The following GRM7 variants were observed in gnomAD, a reference collection of about 807,000 sequenced individuals.
GRM7 encodes the protein glutamate metabotropic receptor 7, also known as metabotropic glutamate receptor 7.
GRM7 carries 35 observed loss-of-function variants against 84.5 expected under a neutral mutation model. The ratio of observed to expected loss-of-function variants is 0.41; its 90% CI spans 0.32 to 0.55. The LOEUF (loss-of-function observed/expected upper bound fraction) is 0.55. Among genes scored for constraint, GRM7 ranks in the 20% least tolerant of loss-of-function variants. The probability of loss-of-function intolerance (pLI) is 0.19; values close to 1 mark genes in which losing one functional copy is unlikely to be tolerated. For synonymous variants in GRM7, 487 were observed against 455.1 expected, an observed-to-expected ratio of 1.07 and a Z score of -0.89; for missense variants, 1,003 against 1,194.6, an observed-to-expected ratio of 0.84 and a Z score of 2.36.
intron 5 of GRM7, among the ~76,000 whole-genome samples, chr3:7,423,523 G>A (rs1478209443): frequency 6.6e-6 from 1 of 152,138 alleles, no homozygotes. Context: ...CGGATGCTTA[G>A]AGTCATTTTA....
intron 8 of GRM7, among the ~76,000 whole-genome samples, chr3:7,630,630 A>T (rs1697823454): frequency 6.6e-6 from 1 of 152,198 alleles, no homozygotes; most frequent in Non-Finnish European, 1.5e-5. Context: ...AGGTGACATC[A>T]TACTGCCTCT....
intron 1 of GRM7, among the ~76,000 whole-genome samples, chr3:7,054,608 A>C (rs1044351331): frequency 2.0e-5 from 3 of 151,878 alleles, no homozygotes; most frequent in Non-Finnish European, 4.4e-5. Context: ...AGGTTGAAGA[A>C]AGTCACTTCT....
At chr3:7,679,953 T>G in intron 8 of GRM7, 96 bp from the exon 9 acceptor site, 2 of 1,144,616 alleles carry the variant, frequency 1.7e-6, no homozygotes, top group South Asian at 2.9e-5. Flanking sequence ...TTGCTTTATC[T>G]CCTAGCCATA....
At chr3:7,617,519 G>GT (rs1364198074) in intron 8 of GRM7, among the ~76,000 whole-genome samples, 4 of 151,976 alleles carry the variant, frequency 2.6e-5, no homozygotes, top group African/African-American at 9.7e-5. Flanking sequence ...AACTTTCTAA[G>GT]TAAAACAATA....
At chr3:7,111,351 T>C (rs1384182241) in intron 1 of GRM7, among the ~76,000 whole-genome samples, 1 of 152,144 alleles carries the variant, frequency 6.6e-6, no homozygotes, top group African/African-American at 2.4e-5. Flanking sequence ...TTCTTAATGG[T>C]ATATTGCAGA....
intron 8 of GRM7, among the ~76,000 whole-genome samples, chr3:7,673,436 A>C (rs1379355656): frequency 6.6e-6 from 1 of 152,074 alleles, no homozygotes; most frequent in Non-Finnish European, 1.5e-5. Flanking sequence ...CTTGCCATTC[A>C]AAAGTTTCCC....
intron 2 of GRM7, among the ~76,000 whole-genome samples, chr3:7,244,568 T>C (rs929126772): frequency 1.3e-5 from 2 of 152,102 alleles, no homozygotes; most frequent in Non-Finnish European, 2.9e-5. Context: ...AAGCACCTTA[T>C]TTTAAACTCC....
chr3:6,979,538 A>G (rs936584814), intron 1 of GRM7, among the ~76,000 whole-genome samples: 1 of 138,676 alleles, frequency 7.2e-6, no homozygotes, highest in African/African-American at 3.5e-5. Flanking sequence ...TTAACAGCTA[A>G]AAAAGTCAAA....
intron 1 of GRM7, among the ~76,000 whole-genome samples, chr3:7,013,755 C>T (rs1233391084): frequency 6.6e-6 from 1 of 151,970 alleles, no homozygotes; most frequent in Non-Finnish European, 1.5e-5. Context: ...TAGTGAGAAC[C>T]CTATCTCTTA....
chr3:7,489,334 C>T (rs1202341764), intron 7 of GRM7, among the ~76,000 whole-genome samples: 1 of 152,110 alleles, frequency 6.6e-6, no homozygotes, highest in African/African-American at 2.4e-5. Flanking sequence ...ATGTTGAAAC[C>T]AGTTTACATC....
At chr3:7,403,207 A>G (rs1417898727) in intron 4 of GRM7, 1 of 444,292 alleles carries the variant, frequency 2.3e-6, no homozygotes, top group African/African-American at 2.0e-5. Flanking sequence ...TGAATTGATT[A>G]ATAATTGATA....
intron 3 of GRM7, among the ~76,000 whole-genome samples, chr3:7,304,043 G>C (rs575663536): frequency 6.6e-6 from 1 of 151,518 alleles, no homozygotes; most frequent in Admixed American, 6.6e-5. Context: ...GGTAATGTGC[G>C]GCCTCATATT....
intron 2 of GRM7, among the ~76,000 whole-genome samples, chr3:7,244,918 T>C (rs931720051): frequency 6.6e-6 from 1 of 152,050 alleles, no homozygotes; most frequent in Admixed American, 6.6e-5. Context: ...TTTAAGAACT[T>C]ACAGGGAAAG....
chr3:6,990,499 CT>C (rs1405092302), intron 1 of GRM7, among the ~76,000 whole-genome samples: 2 of 152,074 alleles, frequency 1.3e-5, no homozygotes, highest in Non-Finnish European at 2.9e-5. Flanking sequence ...GGCATCCAGG[CT>C]TTTTAGTTAT....
chr3:7,351,347 A>AG (rs1376012728), intron 4 of GRM7, among the ~76,000 whole-genome samples: 1 of 150,622 alleles, frequency 6.6e-6, no homozygotes, highest in Non-Finnish European at 1.5e-5. Flanking sequence ...GCGAAAAAAA[A>AG]AAAAAAAAAA....
At chr3:7,641,953 TAA>T (rs35371570) in intron 8 of GRM7, among the ~76,000 whole-genome samples, 3 of 151,368 alleles carry the variant, frequency 2.0e-5, no homozygotes, top group South Asian at 2.1e-4. Context: ...AAACCGTCAT[TAA>T]AAAAAAAATC....
chr3:6,864,812 C>G lies in GRM7; in HGVS notation c.519+2905C>G, dbSNP rs181875736. On this transcript the variant is annotated intron_variant, in intron 1 of 9. Transcript: ENST00000357716. ...CAGATGTAACAAATGCTGCTGCCCCCAGCAAAGTCAGGAATGAAATTCCTT... is the reference window on the plus strand; with the variant it reads ...CAGATGTAACAAATGCTGCTGCCCCGAGCAAAGTCAGGAATGAAATTCCTT... Among the ~76,000 whole-genome samples the G allele has an allele frequency of 1.5e-3, 224 of 152,336 alleles. 1 individual carries two copies. Among genetic ancestry groups the G allele is most frequent in the Non-Finnish European group, 8.8e-4 (60 of 68,038 alleles).
intron 5 of GRM7, among the ~76,000 whole-genome samples, chr3:7,435,243 G>A (rs1696996424): frequency 1.3e-5 from 2 of 151,214 alleles, no homozygotes; most frequent in South Asian, 4.2e-4. Context: ...GGCTCACTGT[G>A]GCCTTGACTT....
chr3:7,108,974 A>C (rs1193807732), intron 1 of GRM7, among the ~76,000 whole-genome samples: 1 of 152,042 alleles, frequency 6.6e-6, no homozygotes, highest in Admixed American at 6.6e-5. Context: ...TCCCAGAGTA[A>C]TGTTAAGTTT....
Sources: allele counts gnomAD v4.1 joint callset (sites outside exome capture counted in the v4.1 genomes callset), GRCh38; gene constraint gnomAD v4.1.1; transcripts MANE v1.5; gene names NCBI Gene and HGNC (gene_info 2026-07-23, HGNC 2026-07-21).